HS6ST3: variants seen among roughly 807,000 people sequenced by gnomAD.
HS6ST3 encodes heparan-sulfate 6-O-sulfotransferase 3.
Under a neutral mutation model 36.7 loss-of-function variants are expected in HS6ST3, and 12 were observed. The observed-to-expected ratio is 0.33, with a 90% CI of 0.21 to 0.53. The LOEUF is 0.53. HS6ST3 is among the 20% of genes least tolerant of loss of function. The probability of loss-of-function intolerance (pLI) is 0.95; values close to 1 mark genes in which losing one functional copy is unlikely to be tolerated. For missense variants in HS6ST3, 584 were observed against 640.9 expected (o/e 0.91, Z 0.96); for synonymous variants, 240 against 257.5 (o/e 0.93, Z 0.65).
intron 1 of HS6ST3, among the ~76,000 whole-genome samples, chr13:96,392,121 A>G (rs924402607): frequency 6.6e-6 from 1 of 152,108 alleles, no homozygotes; most frequent in Non-Finnish European, 1.5e-5. Flanking sequence ...TGACATTTTT[A>G]TTAACACTTC....
In HS6ST3 at chr13:96,353,736, TAA is replaced by T. The variant is rs2055196383; in HGVS notation, c.707+262169_707+262170del. Among the ~76,000 whole-genome samples, 6 of 152,304 alleles carry T rather than the reference TAA, an allele frequency of 3.9e-5. 1 individual carries two copies. The highest frequency in any genetic ancestry group is 1.4e-4 in the African/African-American group (6 of 41,582). The stretch of plus-strand genomic sequence containing the variant: ...GCCAAAGCTTTGATTTCCTTACGTA[TAA>T]AGAGTTCTTTTAAAATCATAAAGAA... On this transcript the variant is annotated intron_variant, in intron 1 of 1. Transcript: ENST00000376705.
At chr13:96,192,926 C>T (rs1360389417) in intron 1 of HS6ST3, among the ~76,000 whole-genome samples, 1 of 152,050 alleles carries the variant, frequency 6.6e-6, no homozygotes, top group Non-Finnish European at 1.5e-5. Context: ...AAAAGTTTTT[C>T]TGAGCTCTCT....
chr13:96,490,626 A>G (rs1268915922), intron 1 of HS6ST3, among the ~76,000 whole-genome samples: 2 of 152,180 alleles, frequency 1.3e-5, no homozygotes, highest in African/African-American at 4.8e-5. Context: ...CTGTCTTTCC[A>G]AGTACTTAAC....
At chr13:96,804,981 T>C (rs1878162006) in intron 1 of HS6ST3, among the ~76,000 whole-genome samples, 1 of 152,168 alleles carries the variant, frequency 6.6e-6, no homozygotes. Flanking sequence ...AACCTATATC[T>C]GAAAGTGTGA....
chr13:96,145,098 C>T (rs1190891045), intron 1 of HS6ST3, among the ~76,000 whole-genome samples: 2 of 58,610 alleles, frequency 3.4e-5, no homozygotes, highest in Non-Finnish European at 7.4e-5. Context: ...AATAGTGCCG[C>T]AGTAAACATA....
chr13:96,163,651 T>A (rs1431533363), intron 1 of HS6ST3, among the ~76,000 whole-genome samples: 1 of 152,122 alleles, frequency 6.6e-6, no homozygotes, highest in African/African-American at 2.4e-5. Context: ...CATAATAGTA[T>A]AGGATTAATT....
chr13:96,471,257 A>G (rs1594787337), intron 1 of HS6ST3, among the ~76,000 whole-genome samples: 2 of 152,342 alleles, frequency 1.3e-5, no homozygotes, highest in South Asian at 4.1e-4. Context: ...TCAGGGGCCA[A>G]ATAACTACTA....
At chr13:96,254,729 G>C (rs550429288) in intron 1 of HS6ST3, among the ~76,000 whole-genome samples, 1 of 151,942 alleles carries the variant, frequency 6.6e-6, no homozygotes, top group South Asian at 2.1e-4. Flanking sequence ...CAAAGGGAAG[G>C]ACAGACTCCA....
intron 1 of HS6ST3, among the ~76,000 whole-genome samples, chr13:96,273,702 G>C (rs1407502537): frequency 6.6e-6 from 1 of 152,066 alleles, no homozygotes; most frequent in African/African-American, 2.4e-5. Context: ...GTATCGGTTA[G>C]GTTTCAAATA....
At position 96,090,383 on chromosome 13, in the gene HS6ST3, C is replaced by T. The variant is rs2053754529; in HGVS notation, c.-480C>T. Among the ~76,000 whole-genome samples the T allele has an allele frequency of 6.8e-6, 1 of 146,200 alleles. No homozygotes were observed. The highest frequency in any genetic ancestry group is 2.4e-5 in the African/African-American group (1 of 40,844). On this transcript the variant is annotated 5_prime_UTR_variant, in exon 1 of 2. Coordinates refer to ENST00000376705, the MANE Select transcript of HS6ST3 (RefSeq NM_153456.4). ...CCGCGGCCGGCCGGGGCGGCGGGAG[C>T]GGGCCGCGCCTTCGCCCTTGGCCGG...
chr13:96,146,680 C>G (rs1203057399), intron 1 of HS6ST3, among the ~76,000 whole-genome samples: 1 of 152,102 alleles, frequency 6.6e-6, no homozygotes, highest in Non-Finnish European at 1.5e-5. Flanking sequence ...TTCTTGGACT[C>G]TTATGTCAGC....
intron 1 of HS6ST3, among the ~76,000 whole-genome samples, chr13:96,517,259 C>T (rs2056076308): frequency 6.6e-6 from 1 of 151,554 alleles, no homozygotes. Context: ...CACTTGTGGT[C>T]CCAGCTACTA....
intron 1 of HS6ST3, among the ~76,000 whole-genome samples, chr13:96,695,982 C>A (rs1875116353): frequency 6.6e-6 from 1 of 152,036 alleles, no homozygotes; most frequent in African/African-American, 2.4e-5. Context: ...TAGTATAAAT[C>A]CATAAGCAGT....
At chr13:96,456,315 G>T (rs1316352634) in intron 1 of HS6ST3, among the ~76,000 whole-genome samples, 1 of 152,120 alleles carries the variant, frequency 6.6e-6, no homozygotes, top group Non-Finnish European at 1.5e-5. Flanking sequence ...GTGTAAAACT[G>T]AAGAAGAGTA....
chr13:96,149,409 A>G (rs2257397), intron 1 of HS6ST3, among the ~76,000 whole-genome samples: 123,280 of 151,992 alleles, frequency 0.81, 50,494 homozygotes, highest in East Asian at 0.91. Flanking sequence ...TATAGCCACA[A>G]TAGTGTGACC....
chr13:96,818,513 T>C (rs1235730208), intron 1 of HS6ST3, among the ~76,000 whole-genome samples: 1 of 152,166 alleles, frequency 6.6e-6, no homozygotes, highest in African/African-American at 2.4e-5. Flanking sequence ...GAGAAAAATA[T>C]CGTGGGTGGG....
At chr13:96,581,861 G>A (rs1361297210) in intron 1 of HS6ST3, among the ~76,000 whole-genome samples, 1 of 152,188 alleles carries the variant, frequency 6.6e-6, no homozygotes, top group African/African-American at 2.4e-5. Context: ...TTCACTGAGA[G>A]TTTGTACTGA....
intron 1 of HS6ST3, among the ~76,000 whole-genome samples, chr13:96,209,911 A>G (rs926484567): frequency 3.3e-5 from 5 of 152,092 alleles, no homozygotes; most frequent in African/African-American, 4.8e-5. Context: ...TCCTTTGTCT[A>G]ATTATCACTG....
chr13:96,289,317 T>G (rs1027793815), intron 1 of HS6ST3, among the ~76,000 whole-genome samples: 1 of 152,106 alleles, frequency 6.6e-6, no homozygotes, highest in Non-Finnish European at 1.5e-5. Context: ...AAAAGCCATT[T>G]TCTTGCTGGA....
Sources: gnomAD v4.1 joint callset for allele counts (sites outside exome capture counted in the v4.1 genomes callset) on GRCh38, gnomAD v4.1.1 for gene constraint, MANE v1.5 for transcripts, NCBI Gene and HGNC (gene_info 2026-07-23, HGNC 2026-07-21) for gene names.